The following CLIP2 variants were observed in gnomAD, a reference collection of about 807,000 sequenced individuals.
CLIP2 encodes the protein CAP-Gly domain-containing linker protein 2.
A neutral mutation model predicts 111.7 loss-of-function variants in CLIP2; 41 were observed. That is an observed-to-expected ratio of 0.37 (90% CI 0.29 to 0.48). CLIP2 has a LOEUF of 0.48. CLIP2 is among the 20% of genes least tolerant of loss of function. The pLI, the probability that CLIP2 is intolerant of heterozygous loss-of-function variation, is 0.99. For synonymous variants in CLIP2, 660 were observed against 644.2 expected (o/e 1.02, Z -0.37); for missense variants, 1,160 against 1,422.1 (o/e 0.82, Z 2.96).
chr7:74,345,613 G>C (rs2116577103), intron 3 of CLIP2, among the ~76,000 whole-genome samples: 1 of 151,978 alleles, frequency 6.6e-6, no homozygotes, highest in Non-Finnish European at 1.5e-5. Flanking sequence ...AGGGTGGGTG[G>C]ATCACCTGAG....
intron 2 of CLIP2, among the ~76,000 whole-genome samples, chr7:74,334,920 G>A (rs1476743430): frequency 3.3e-5 from 5 of 151,826 alleles, no homozygotes; most frequent in East Asian, 1.9e-4. Flanking sequence ...CCTGGGAGGC[G>A]AAGATTGCAG....
chr7:74,349,846 C>A (rs1431504033), intron 3 of CLIP2, among the ~76,000 whole-genome samples: 1 of 151,484 alleles, frequency 6.6e-6, no homozygotes, highest in African/African-American at 2.4e-5. Flanking sequence ...AGCTCCTGAC[C>A]TCAAGTGATC....
chr7:74,385,584 T>C (rs1791066397), intron 11 of CLIP2, among the ~76,000 whole-genome samples: 1 of 152,014 alleles, frequency 6.6e-6, no homozygotes. Flanking sequence ...CATTCTGTCC[T>C]TTATGGCTGT....
chr7:74,341,396 C>T, intron 3 of CLIP2, among the ~76,000 whole-genome samples: 1 of 151,826 alleles, frequency 6.6e-6, no homozygotes, highest in Non-Finnish European at 1.5e-5. Context: ...ACCATGTTGG[C>T]CAGGATGGTC....
intron 13 of CLIP2, among the ~76,000 whole-genome samples, chr7:74,396,828 CACA>C (rs1372726195): frequency 6.6e-6 from 1 of 152,030 alleles, no homozygotes; most frequent in Non-Finnish European, 1.5e-5. Flanking sequence ...GCACTCCCCC[CACA>C]ACAACTTTAA....
intron 9 of CLIP2, among the ~76,000 whole-genome samples, chr7:74,375,052 T>A (rs1312585045): frequency 6.6e-6 from 1 of 151,960 alleles, no homozygotes; most frequent in Non-Finnish European, 1.5e-5. Flanking sequence ...TTAAAAAGAA[T>A]GTTAACAAAA....
intron 1 of CLIP2, among the ~76,000 whole-genome samples, chr7:74,300,232 C>T (rs80217579): frequency 0.039 from 5,995 of 152,056 alleles, 428 homozygotes; most frequent in East Asian, 0.29. Context: ...AATGATTCAC[C>T]CGCCTTGGCC....
Position 74,289,612 on chromosome 7 carries a change from G to GT in CLIP2, c.-189dup, listed in dbSNP as rs1313044747. ...CCGGCGCCAGGAGGGGGTGCAGCCG[G>GT]TGGGCAGCGCCGCGCAGGGAGGGGC... On this transcript the variant is annotated 5_prime_UTR_variant, in exon 1 of 17. Transcript: ENST00000223398. 6.6e-6 allele frequency: 1 copy of GT among 152,008 alleles called. No homozygotes were observed. The highest frequency in any genetic ancestry group is 1.5e-5 in the Non-Finnish European group (1 of 67,976). 9.4% of individuals were successfully genotyped at this position (152,008 alleles called of 1,614,324 possible). A position where few individuals can be genotyped will look rare whatever the true frequency, so the allele number is the denominator to read the frequency against.
At position 74,400,432 on chromosome 7, in the gene CLIP2, C is replaced by T. The variant is rs1554317372; in HGVS notation, c.2943C>T (p.Pro981=). The T allele has an allele frequency of 8.7e-6, 14 of 1,614,082 alleles. No homozygotes were observed. The highest frequency in any genetic ancestry group is 4.4e-5 in the South Asian group (4 of 91,068). The change falls in exon 15 of 17, where the codon CCC becomes CCT. Residue 981 remains proline, a synonymous_variant. Coordinates refer to ENST00000223398, the MANE Select transcript of CLIP2 (RefSeq NM_003388.5). The part of the protein sequence containing the change: ...RYSLIDRSSA[P]ELLRLQHQLM... The stretch of plus-strand genomic sequence containing the variant: ...CCCTCATCGACCGGTCCTCGGCGCC[C>T]GAGCTTCTGCGGCTGCAGCACCAGC...
chr7:74,347,426 G>A lies in CLIP2; in HGVS notation c.679-6454G>A, dbSNP rs548328434. 3.3e-5 allele frequency among the ~76,000 whole-genome samples: 5 copies of A among 152,162 alleles called. No individual in the cohort carries two copies. The South Asian group carries it at 6.2e-4, about 19-fold the overall frequency. On this transcript the variant is annotated intron_variant, in intron 3 of 16. Coordinates refer to ENST00000223398, the MANE Select transcript of CLIP2 (RefSeq NM_003388.5). ...TGGGACTACAGGTGCCCGCCACCACGCCTGGCTAATTTTTTGTATTTTTAG... is the reference window on the plus strand; with the variant it reads ...TGGGACTACAGGTGCCCGCCACCACACCTGGCTAATTTTTTGTATTTTTAG...
At chr7:74,383,330 T>C (rs1192284833) in intron 11 of CLIP2, among the ~76,000 whole-genome samples, 1 of 152,178 alleles carries the variant, frequency 6.6e-6, no homozygotes, top group Non-Finnish European at 1.5e-5. Flanking sequence ...ACTAACCTTA[T>C]TGTCCTTAAA....
intron 1 of CLIP2, among the ~76,000 whole-genome samples, chr7:74,305,855 A>AC (rs1478628381): frequency 0.13 from 6,371 of 50,128 alleles, 426 homozygotes; most frequent in Non-Finnish European, 0.15. Flanking sequence ...CTGCACCCCA[A>AC]CCCCCCCCCA....
chr7:74,307,903 G>A lies in CLIP2; in HGVS notation c.-67-9577G>A, dbSNP rs563873153. 2.2e-3 allele frequency among the ~76,000 whole-genome samples: 332 copies of A among 152,260 alleles called. 2 individuals carry two copies. Among genetic ancestry groups the A allele is most frequent in the Non-Finnish European group, 3.7e-3 (251 of 68,030 alleles). ...TTCTGGGGATTTGTGTCCTCTGGGC[G>A]GCTGTAGGTGTGTTGTCGTGGGAAT... On this transcript the variant is annotated intron_variant, in intron 1 of 16. Coordinates refer to ENST00000223398, the MANE Select transcript of CLIP2 (RefSeq NM_003388.5).
intron 2 of CLIP2, among the ~76,000 whole-genome samples, chr7:74,318,581 C>T (rs1262037601): frequency 3.3e-5 from 5 of 151,994 alleles, no homozygotes; most frequent in African/African-American, 1.2e-4. Context: ...GGCATGGTGG[C>T]GGGCGCCTAT....
At chr7:74,396,646 G>A (rs782027545) in intron 13 of CLIP2, among the ~76,000 whole-genome samples, 2 of 151,984 alleles carry the variant, frequency 1.3e-5, no homozygotes, top group East Asian at 1.9e-4. Flanking sequence ...TCAGCTGCCC[G>A]AGTACCTGGG....
chr7:74,292,456 G>T (rs782386928), intron 1 of CLIP2, among the ~76,000 whole-genome samples: 1 of 152,034 alleles, frequency 6.6e-6, no homozygotes, highest in East Asian at 1.9e-4. Flanking sequence ...GTGCCACCTC[G>T]GCTCACTGCA....
chr7:74,383,909 C>CCCCAG (rs1791011169), intron 11 of CLIP2, among the ~76,000 whole-genome samples: 1 of 152,168 alleles, frequency 6.6e-6, no homozygotes, highest in Non-Finnish European at 1.5e-5. Context: ...CCTCCTCTCC[C>CCCCAG]CCCAGCCCAT....
intron 1 of CLIP2, among the ~76,000 whole-genome samples, chr7:74,293,414 T>C (rs66501245): frequency 0.23 from 35,441 of 151,892 alleles, 5,535 homozygotes; most frequent in African/African-American, 0.45. Flanking sequence ...GGGTTGTGAG[T>C]GTGGCTGTGT....
At chr7:74,362,357 C>A (rs1237957878) in intron 7 of CLIP2, among the ~76,000 whole-genome samples, 2 of 152,074 alleles carry the variant, frequency 1.3e-5, no homozygotes, top group Non-Finnish European at 1.5e-5. Flanking sequence ...TGGGTCTGTT[C>A]TGTGGGCTTT....
Sources: gnomAD v4.1 joint callset for allele counts (sites outside exome capture counted in the v4.1 genomes callset) on GRCh38, gnomAD v4.1.1 for gene constraint, MANE v1.5 for transcripts, NCBI Gene and HGNC (gene_info 2026-07-23, HGNC 2026-07-21) for gene names.